The following TBCD variants were observed in gnomAD, a reference collection of about 807,000 sequenced individuals.
TBCD encodes the protein tubulin-specific chaperone D.
Under a neutral mutation model 169.3 loss-of-function variants are expected in TBCD, and 105 were observed. That is an observed-to-expected ratio of 0.62 (90% CI 0.53 to 0.73). The LOEUF (loss-of-function observed/expected upper bound fraction) is 0.73. TBCD is among the 30% of genes least tolerant of loss of function. The pLI is 0.00. For missense variants in TBCD, 1,444 were observed against 1,600.1 expected (o/e 0.90, Z 1.66); for synonymous variants, 700 against 643.9 (o/e 1.09, Z -1.32).
intron 11 of TBCD, 56 bp downstream of exon 11, chr17:82,807,724 G>C: frequency 7.5e-7 from 1 of 1,328,568 alleles, no homozygotes; most frequent in African/African-American, 1.5e-5. Context: ...TCTCCTGTGC[G>C]ATTCAGCAGC....
rs687980 is a variant in TBCD at position 82,806,567 on chromosome 17, A to G, written c.1087+556A>G. On this transcript the variant is annotated intron_variant, in intron 10 of 38. Transcript: ENST00000355528. This position sits in a 1 kb window ranked among gnomAD's most constrained non-coding sequence, Gnocchi z 5.1. ...CTGCCCTCCTGCCGCGGTTGGATGA[A>G]GTCTTCCCTGGACCCAGGCAGGGCC... is the stretch of plus-strand genomic sequence containing the variant. Among the ~76,000 whole-genome samples the G allele has an allele frequency of 0.38, 57,904 of 151,784 alleles. 11,159 individuals are homozygous for G. Among genetic ancestry groups the G allele is most frequent in the Middle Eastern group, 0.42 (123 of 294 alleles).
Position 82,905,984 on chromosome 17 carries a change from G to T in TBCD, c.1853G>T (p.Arg618Met). The change falls in exon 20 of 39, where the codon AGG becomes ATG. Residue 618 changes from arginine to methionine, a missense_variant. Arg to Met is a moderately conservative substitution (Grantham distance 91). Transcript: ENST00000355528. ...ACACTGAGTCCAGATCTTCACATGAGGCATGGGTCGATTCTCGCCTGCGCA... is the reference window on the plus strand; with the variant it reads ...ACACTGAGTCCAGATCTTCACATGATGCATGGGTCGATTCTCGCCTGCGCA... ...SMTLSPDLHM[R>M]HGSILACAEV... The T allele has an allele frequency of 6.2e-7, 1 of 1,613,286 alleles. No individual in the cohort carries two copies. The highest frequency in any genetic ancestry group is 1.1e-5 in the South Asian group (1 of 90,806).
At chr17:82,924,910 C>T in intron 26 of TBCD, 29 bp from the exon 27 acceptor site, 1 of 1,534,586 alleles carries the variant, frequency 6.5e-7, no homozygotes, top group South Asian at 1.2e-5. Context: ...AGCAGAGGGC[C>T]TCTCTTCACA....
intron 9 of TBCD, among the ~76,000 whole-genome samples, chr17:82,805,517 A>G (rs2050895151): frequency 1.3e-5 from 2 of 152,100 alleles, no homozygotes; most frequent in African/African-American, 4.8e-5. Flanking sequence ...GCCGTTCAGG[A>G]AGGGGCTGCC....
At chr17:82,938,189 A>C in intron 36 of TBCD, 53 bp downstream of exon 36, 1 of 1,556,434 alleles carries the variant, frequency 6.4e-7, no homozygotes, top group East Asian at 2.3e-5. Flanking sequence ...CAAGCCCCTC[A>C]GTGACAAGAA....
chr17:82,937,389 C>A, intron 35 of TBCD, 29 bp downstream of exon 35: 1 of 1,605,462 alleles, frequency 6.2e-7, no homozygotes, highest in Non-Finnish European at 8.5e-7. Flanking sequence ...TGGCCTTAGA[C>A]GGAATGGCAG....
chr17:82,917,786 G>A (rs544214177), intron 23 of TBCD, among the ~76,000 whole-genome samples: 12 of 152,194 alleles, frequency 7.9e-5, no homozygotes, highest in Admixed American at 1.3e-4. Context: ...CTGGACTCCC[G>A]TTCTCCTGCT....
chr17:82,914,932 TC>T (rs1199940423), intron 23 of TBCD, among the ~76,000 whole-genome samples: 1 of 152,240 alleles, frequency 6.6e-6, no homozygotes, highest in African/African-American at 2.4e-5. Context: ...GCCCCGCATC[TC>T]CCAGTCCCAC....
rs2061849544 is a variant in TBCD, at chr17:82,927,452, C to T, written c.2609+129C>T. On this transcript the variant is annotated intron_variant, in intron 29 of 38. Transcript: ENST00000355528. ...TGTGCCGTGTTTTGCGTTTTAAAGG[C>T]TCTGGGGAAGATGACCTGTTCTCTG... The T allele has an allele frequency of 2.3e-6, 3 of 1,318,682 alleles. No individual in the cohort carries two copies. The African/African-American group carries it at 4.5e-5, about 20-fold the overall frequency. The allele number at this position is 1,318,682 out of a possible 1,614,324, so 81.7% of individuals were successfully genotyped here.
rs1225197901 is a variant in TBCD, at chr17:82,930,050, G to T, written c.2992-472G>T. ...AGTCCTAGAAAACACGTAACAGGACGTGAGGTGCCCTCTGCGCCGTGTGGG... is the reference window on the plus strand; with the variant it reads ...AGTCCTAGAAAACACGTAACAGGACTTGAGGTGCCCTCTGCGCCGTGTGGG... On this transcript the variant is annotated intron_variant, in intron 32 of 38. Coordinates refer to ENST00000355528, the MANE Select transcript of TBCD (RefSeq NM_005993.5). The surrounding 1 kb of genome is among the most constrained non-coding windows in gnomAD (Gnocchi z 5.2). 1 of 265,872 alleles carries T rather than the reference G, an allele frequency of 3.8e-6. No homozygotes were observed. Among genetic ancestry groups the T allele is most frequent in the Admixed American group, 5.0e-5 (1 of 19,878 alleles). The allele number at this position is 265,872 out of a possible 1,614,324, so 16.5% of individuals were successfully genotyped here. A position where few individuals can be genotyped will look rare whatever the true frequency, so the allele number is the denominator to read the frequency against.
rs1247251017 is a variant in TBCD, at chr17:82,874,633, A to G, written c.1475+4253A>G. 6.6e-6 allele frequency among the ~76,000 whole-genome samples: 1 copy of G among 152,088 alleles called. No homozygotes were observed. The highest frequency in any genetic ancestry group is 6.5e-5 in the Admixed American group (1 of 15,274). On this transcript the variant is annotated intron_variant, in intron 14 of 38. Coordinates refer to ENST00000355528, the MANE Select transcript of TBCD (RefSeq NM_005993.5). This position sits in a 1 kb window ranked among gnomAD's most constrained non-coding sequence, Gnocchi z 5.0. ...GGCTTGTCCAACGGGTTCTTAGAGA[A>G]CCTGGGCCCCATCCCTCCTTGGCCC...
intron 15 of TBCD, among the ~76,000 whole-genome samples, chr17:82,887,160 TGTGTGTGTGCGCGCGC>T (rs1381984143): frequency 9.2e-6 from 1 of 108,974 alleles, no homozygotes; most frequent in Admixed American, 8.5e-5. Flanking sequence ...TGTGTGTGTG[TGTGTGTGTGCGCGCGC>T]GCGCACGTGC....
chr17:82,914,031 T>C (rs4359479), intron 23 of TBCD: 1 of 152,202 alleles, frequency 6.6e-6, no homozygotes, highest in African/African-American at 2.4e-5. Context: ...TTGATGATGA[T>C]ATTTGGAAAG....
At chr17:82,898,391 C>T (rs574057006) in intron 17 of TBCD, among the ~76,000 whole-genome samples, 2 of 152,178 alleles carry the variant, frequency 1.3e-5, no homozygotes, top group East Asian at 3.9e-4. Flanking sequence ...GGTGGGAGCA[C>T]ACGGCTGCTT....
chr17:82,902,660 A>G (rs2059969296), intron 18 of TBCD, among the ~76,000 whole-genome samples: 1 of 152,220 alleles, frequency 6.6e-6, no homozygotes, highest in Non-Finnish European at 1.5e-5. Context: ...GCCTGGTTTC[A>G]CTGTGGTGCT....
chr17:82,761,814 C>T (rs2047773276), intron 2 of TBCD, among the ~76,000 whole-genome samples: 1 of 151,458 alleles, frequency 6.6e-6, no homozygotes, highest in African/African-American at 2.4e-5. Context: ...CAAGCTCTGC[C>T]ACCCGGGTTC....
At chr17:82,875,808 A>G (rs561649223) in intron 14 of TBCD, among the ~76,000 whole-genome samples, 2 of 152,324 alleles carry the variant, frequency 1.3e-5, no homozygotes, top group Admixed American at 1.3e-4. Context: ...GCAGAGTCCT[A>G]ACCCTGTGAA....
At chr17:82,887,166 T>TGCGCGCGCGC (rs1164086857) in intron 15 of TBCD, among the ~76,000 whole-genome samples, 25 of 109,142 alleles carry the variant, frequency 2.3e-4, no homozygotes, top group African/African-American at 6.3e-4. Context: ...TGTGTGTGTG[T>TGCGCGCGCGC]GTGCGCGCGC....
intron 13 of TBCD, among the ~76,000 whole-genome samples, chr17:82,857,506 T>C (rs1417418850): frequency 2.6e-5 from 4 of 152,218 alleles, no homozygotes; most frequent in African/African-American, 9.6e-5. Context: ...TTCTTTTCTG[T>C]GTGTGTGCAG....
Sources: allele counts gnomAD v4.1 joint callset (sites outside exome capture counted in the v4.1 genomes callset), GRCh38; gene constraint gnomAD v4.1.1; non-coding constraint Gnocchi (gnomAD v3.1); transcripts MANE v1.5; gene names NCBI Gene and HGNC (gene_info 2026-07-23, HGNC 2026-07-21).